Variants in PCDH9 observed in about 807,000 individuals in gnomAD.
PCDH9 encodes the protein protocadherin-9.
PCDH9 carries 24 observed loss-of-function variants against 70.6 expected under a neutral mutation model. The observed-to-expected ratio is 0.34, with a 90% CI of 0.25 to 0.48. The LOEUF is 0.48. PCDH9 is among the 20% of genes least tolerant of loss of function. The pLI, the probability that PCDH9 is intolerant of heterozygous loss-of-function variation, is 0.99. For missense variants in PCDH9, 1,281 were observed against 1,503.6 expected (o/e 0.85, Z 2.45); for synonymous variants, 562 against 558.5 (o/e 1.01, Z -0.09).
chr13:67,058,737 C>A (rs1229230147), intron 2 of PCDH9, among the ~76,000 whole-genome samples: 3 of 152,080 alleles, frequency 2.0e-5, no homozygotes, highest in African/African-American at 7.2e-5. Flanking sequence ...TGTACTCATA[C>A]GTTAGCACAT....
intron 2 of PCDH9, among the ~76,000 whole-genome samples, chr13:67,039,019 T>G (rs551704429): frequency 6.6e-6 from 1 of 152,276 alleles, no homozygotes; most frequent in East Asian, 1.9e-4. Flanking sequence ...ATTGAATTAA[T>G]TATATATTAT....
intron 2 of PCDH9, among the ~76,000 whole-genome samples, chr13:67,093,173 G>C (rs2086252633): frequency 6.6e-6 from 1 of 152,154 alleles, no homozygotes. Context: ...GAGCAAAATA[G>C]ATCAGGTGCC....
intron 4 of PCDH9, among the ~76,000 whole-genome samples, chr13:66,521,212 C>A (rs554812105): frequency 6.6e-6 from 1 of 152,152 alleles, no homozygotes; most frequent in African/African-American, 2.4e-5. Flanking sequence ...CTATGAGTTA[C>A]ACTAACTGTG....
intron 3 of PCDH9, among the ~76,000 whole-genome samples, chr13:66,771,820 T>C (rs1261237595): frequency 1.3e-5 from 2 of 152,204 alleles, no homozygotes; most frequent in African/African-American, 4.8e-5. Flanking sequence ...TTATCATCAA[T>C]ATTAAATGAG....
rs963354524 is a variant in PCDH9, at chr13:66,980,484, C to T, written c.3037-76879G>A. Reference sequence around the variant, plus strand: ...CAATTTCTAACCAATTTAATCTCTGCCCTGTGTTCTAGAAATTTTTATCTA... The same window carrying T: ...CAATTTCTAACCAATTTAATCTCTGTCCTGTGTTCTAGAAATTTTTATCTA... On this transcript the variant is annotated intron_variant, in intron 2 of 4. Coordinates refer to ENST00000377865, the MANE Select transcript of PCDH9 (RefSeq NM_203487.3). 3.3e-5 allele frequency among the ~76,000 whole-genome samples: 5 copies of T among 152,054 alleles called. No homozygotes were observed. In the South Asian group the frequency reaches 8.3e-4, roughly 25 times the overall value.
At chr13:66,447,190 G>A (rs967963923) in intron 4 of PCDH9, among the ~76,000 whole-genome samples, 2 of 151,934 alleles carry the variant, frequency 1.3e-5, no homozygotes, top group African/African-American at 4.8e-5. Flanking sequence ...AAAAAATGTT[G>A]AAAAGCTTCT....
chr13:66,317,107 T>C (rs1218991855), intron 4 of PCDH9, among the ~76,000 whole-genome samples: 1 of 152,152 alleles, frequency 6.6e-6, no homozygotes, highest in Non-Finnish European at 1.5e-5. Flanking sequence ...CACACTAGAA[T>C]ATAAGCACCA....
intron 4 of PCDH9, among the ~76,000 whole-genome samples, chr13:66,623,503 A>C (rs2077458417): frequency 6.6e-6 from 1 of 152,082 alleles, no homozygotes; most frequent in Admixed American, 6.6e-5. Context: ...CCTGGGCACG[A>C]TCATAGCTTA....
At chr13:66,818,171 A>C (rs1051350709) in intron 3 of PCDH9, among the ~76,000 whole-genome samples, 5 of 152,190 alleles carry the variant, frequency 3.3e-5, no homozygotes, top group Non-Finnish European at 7.4e-5. Flanking sequence ...ATATTAATTA[A>C]ATTTAAGTGT....
At chr13:66,791,897 T>C (rs1237703584) in intron 3 of PCDH9, among the ~76,000 whole-genome samples, 1 of 152,136 alleles carries the variant, frequency 6.6e-6, no homozygotes, top group Middle Eastern at 3.2e-3. Context: ...CATAAATACA[T>C]TGCATTATGC....
At chr13:66,566,796 C>T (rs2076658813) in intron 4 of PCDH9, among the ~76,000 whole-genome samples, 1 of 152,058 alleles carries the variant, frequency 6.6e-6, no homozygotes, top group African/African-American at 2.4e-5. Flanking sequence ...TTTTGTTAGA[C>T]AGCATCTTAT....
intron 3 of PCDH9, among the ~76,000 whole-genome samples, chr13:66,648,887 A>T (rs2077810143): frequency 6.6e-6 from 1 of 152,098 alleles, no homozygotes; most frequent in Non-Finnish European, 1.5e-5. Flanking sequence ...GTCTGAAAAA[A>T]TTTTAAAAAA....
At chr13:67,111,619 T>C (rs1195813623) in intron 2 of PCDH9, among the ~76,000 whole-genome samples, 1 of 152,216 alleles carries the variant, frequency 6.6e-6, no homozygotes, top group African/African-American at 2.4e-5. Flanking sequence ...CATTGTAAAA[T>C]TGACTACTTT....
At chr13:66,729,541 T>C (rs1471519392) in intron 3 of PCDH9, among the ~76,000 whole-genome samples, 1 of 152,170 alleles carries the variant, frequency 6.6e-6, no homozygotes, top group Non-Finnish European at 1.5e-5. Flanking sequence ...TCTCAAAATG[T>C]TTTACAAAGT....
chr13:67,122,624 A>G (rs9317640), intron 2 of PCDH9, among the ~76,000 whole-genome samples: 38,791 of 151,534 alleles, frequency 0.26, 5,424 homozygotes, highest in East Asian at 0.61. Context: ...ATACAAAAAA[A>G]TTAGCTGGGT....
chr13:66,325,119 C>A (rs1233430353), intron 4 of PCDH9, among the ~76,000 whole-genome samples: 1 of 151,958 alleles, frequency 6.6e-6, no homozygotes, highest in Non-Finnish European at 1.5e-5. Flanking sequence ...TTACACTGCT[C>A]AAATTCTGGA....
At chr13:66,490,366 G>T (rs536674137) in intron 4 of PCDH9, among the ~76,000 whole-genome samples, 1 of 152,074 alleles carries the variant, frequency 6.6e-6, no homozygotes, top group South Asian at 2.1e-4. Flanking sequence ...CTGTTATACC[G>T]GTCGGCTTCA....
At chr13:66,634,666 T>C (rs2077614611) in intron 3 of PCDH9, among the ~76,000 whole-genome samples, 1 of 152,198 alleles carries the variant, frequency 6.6e-6, no homozygotes, top group Non-Finnish European at 1.5e-5. Flanking sequence ...TGCTATGCAA[T>C]ACTTGATACA....
chr13:66,692,880 T>G (rs577589865), intron 3 of PCDH9, among the ~76,000 whole-genome samples: 2 of 152,084 alleles, frequency 1.3e-5, no homozygotes, highest in Non-Finnish European at 2.9e-5. Flanking sequence ...CCTGGGCACA[T>G]TTAATGATAT....
Sources: allele counts gnomAD v4.1 joint callset (sites outside exome capture counted in the v4.1 genomes callset), GRCh38; gene constraint gnomAD v4.1.1; transcripts MANE v1.5; gene names NCBI Gene and HGNC (gene_info 2026-07-23, HGNC 2026-07-21).